The following PYROXD1 variants were observed in gnomAD, a reference collection of about 807,000 sequenced individuals.
PYROXD1 encodes tRNA ligase complex-associated NAD(P)H dehydrogenase PYROXD1.
Under a neutral mutation model 62.0 loss-of-function variants are expected in PYROXD1, and 42 were observed. The observed-to-expected ratio is 0.68, with a 90% confidence interval of 0.53 to 0.88. PYROXD1 has a LOEUF of 0.88. PYROXD1 is among the 40% of genes least tolerant of loss of function. The pLI is 0.00. For missense variants in PYROXD1, 493 were observed against 604.8 expected, an observed-to-expected ratio of 0.82 and a Z score of 1.94; for synonymous variants, 170 against 206.4, an observed-to-expected ratio of 0.82 and a Z score of 1.51.
rs757335934 is a variant in PYROXD1 at position 21,437,740 on chromosome 12, G to A, written c.10G>A (p.Ala4Thr). Residue 4 changes from alanine (A) to threonine (T), a missense_variant, in exon 1 of 12, where the codon GCG becomes ACG. Ala to Thr is a moderately conservative substitution (Grantham distance 58). Around this residue, in one of 2 missense-constraint regions of PYROXD1, gnomAD observed 164 missense variants for 158.2 expected, o/e 1.04. Coordinates refer to ENST00000240651, the MANE Select transcript of PYROXD1 (RefSeq NM_024854.5). ...CTGGGAGTCCGGCAGCATGGAGGCA[G>A]CGCGCCCTCCCCCGACGGCAGGGAA... Reference protein sequence around the residue: MEAARPPPTAGKFV... With the variant: MEATRPPPTAGKFV... The A allele has an allele frequency of 6.2e-7, 1 of 1,612,310 alleles. No homozygotes were observed. Among genetic ancestry groups the A allele is most frequent in the Admixed American group, 1.7e-5 (1 of 59,826 alleles).
At position 21,469,988 on chromosome 12, in the gene PYROXD1, T is replaced by C. The variant is rs1407026351; in HGVS notation, c.*1234T>C. 5 of 642,534 alleles carry C rather than the reference T, an allele frequency of 7.8e-6. No individual in the cohort carries two copies. Among genetic ancestry groups the C allele is most frequent in the African/African-American group, 7.6e-5 (4 of 52,430 alleles). 39.8% of individuals were successfully genotyped at this position (642,534 alleles called of 1,614,324 possible). A position where few individuals can be genotyped will look rare whatever the true frequency, so the allele number is the denominator to read the frequency against. On this transcript the variant is annotated 3_prime_UTR_variant, in exon 12 of 12. Coordinates refer to ENST00000240651, the MANE Select transcript of PYROXD1 (RefSeq NM_024854.5). ...GTTTTACATAAAAATTTTTCCCTTG[T>C]TTTATACTGGAAAATTATATAATTC...
intron 7 of PYROXD1, among the ~76,000 whole-genome samples, chr12:21,460,404 ATTTATTTATTTATTTAT>A (rs1942672489): frequency 6.7e-6 from 1 of 148,210 alleles, no homozygotes; most frequent in African/African-American, 2.5e-5. Context: ...ATTTTTATTT[ATTTATTTATTTATTTAT>A]TTTATTTATT....
In PYROXD1 at chr12:21,470,050, A is replaced by G. The variant is rs185669434; in HGVS notation, c.*1296A>G. 17 of 676,826 alleles carry G rather than the reference A, an allele frequency of 2.5e-5. 2 individuals carry two copies. The Admixed American group carries it at 5.6e-4, about 22-fold the overall frequency. 41.9% of individuals were successfully genotyped at this position (676,826 alleles called of 1,614,324 possible). A position where few individuals can be genotyped will look rare whatever the true frequency, so the allele number is the denominator to read the frequency against. On this transcript the variant is annotated 3_prime_UTR_variant, in exon 12 of 12. Coordinates refer to ENST00000240651, the MANE Select transcript of PYROXD1 (RefSeq NM_024854.5). ...TTTTCAAACATTCTCAAAAGTTTAG[A>G]TCTTCAGAGATAAGCTCTGAAAATA...
At chr12:21,438,050 G>C in intron 1 of PYROXD1, 3 of 571,764 alleles carry the variant, frequency 5.2e-6, no homozygotes, top group Non-Finnish European at 9.3e-6. Context: ...AGAAACCAAA[G>C]CTGGCTGATC....
At chr12:21,441,032 C>CT (rs1251568340) in intron 2 of PYROXD1, among the ~76,000 whole-genome samples, 6 of 151,918 alleles carry the variant, frequency 3.9e-5, no homozygotes, top group African/African-American at 1.2e-4. Context: ...GAATTGATTG[C>CT]TTTTTTTTGA....
chr12:21,443,751 A>C (rs1356725400), intron 2 of PYROXD1, among the ~76,000 whole-genome samples: 8 of 152,160 alleles, frequency 5.3e-5, no homozygotes. Flanking sequence ...TAATATCCTG[A>C]TAATGGAATA....
intron 2 of PYROXD1, among the ~76,000 whole-genome samples, chr12:21,442,024 C>T (rs909784873): frequency 6.6e-6 from 1 of 152,244 alleles, no homozygotes; most frequent in African/African-American, 2.4e-5. Context: ...CAGCATCCAA[C>T]TCTGGATGTC....
chr12:21,462,714 T>G (rs1335508037), intron 9 of PYROXD1, 26 bp from the exon 10 acceptor site: 1 of 1,611,800 alleles, frequency 6.2e-7, no homozygotes, highest in Non-Finnish European at 8.5e-7. Flanking sequence ...TCTTAACACT[T>G]AACGCTTATG....
At chr12:21,460,142 AGTAG>A in intron 7 of PYROXD1, among the ~76,000 whole-genome samples, 1 of 152,254 alleles carries the variant, frequency 6.6e-6, no homozygotes, top group East Asian at 1.9e-4. Context: ...TTTGGCTTTC[AGTAG>A]GTAGGAGGGG....
rs1171358476 is a variant in PYROXD1, at chr12:21,462,852, T to A, written c.1106T>A (p.Val369Asp). Reference protein sequence around the residue: ...ICTTSWQLSPVWQQMRLWTQA... With the variant: ...ICTTSWQLSPDWQQMRLWTQA... ...ACTACATCCTGGCAGCTGAGCCCAG[T>A]CTGGCAGCAGGTAAGCTAGCATATA... The change falls in exon 10 of 12, where the codon GTC (valine) becomes GAC (aspartate). Residue 369 changes from valine to aspartate, a missense_variant. By Grantham distance (152) the Val-to-Asp change is radical. Around this residue, in one of 2 missense-constraint regions of PYROXD1, gnomAD observed 329 missense variants for 446.6 expected, o/e 0.74. Transcript: ENST00000240651. 1.1e-5 allele frequency: 17 copies of A among 1,613,496 alleles called. No individual in the cohort carries two copies. The Admixed American group carries it at 2.7e-4, about 25-fold the overall frequency.
At position 21,468,646 on chromosome 12, in the gene PYROXD1, C is replaced by G; in HGVS notation, c.1395C>G (p.Thr465=). ...TGGGAGCTGTCTTAATTGGTGAAACCGATTTAGAAGAAACATTTGAAAACC... is the reference window on the plus strand; with the variant it reads ...TGGGAGCTGTCTTAATTGGTGAAACGGATTTAGAAGAAACATTTGAAAACC... The part of the protein sequence containing the change: ...RMMGAVLIGE[T]DLEETFENLI... The change falls in exon 12 of 12, where the codon ACC becomes ACG. Residue 465 remains threonine, a synonymous_variant. Coordinates refer to ENST00000240651, the MANE Select transcript of PYROXD1 (RefSeq NM_024854.5). 4.3e-6 allele frequency: 7 copies of G among 1,612,726 alleles called. No homozygotes were observed. Among genetic ancestry groups the G allele is most frequent in the Non-Finnish European group, 5.9e-6 (7 of 1,179,248 alleles).
Position 21,461,322 on chromosome 12 carries a change from G to A in PYROXD1, c.880+168G>A, listed in dbSNP as rs7297084. Among the ~76,000 whole-genome samples the A allele has an allele frequency of 0.51, 74,885 of 146,442 alleles. 18,517 individuals carry two copies. Among genetic ancestry groups the A allele is most frequent in the Middle Eastern group, 0.59 (173 of 292 alleles). On this transcript the variant is annotated intron_variant, in intron 8 of 11. Transcript: ENST00000240651. ...TAACATTAACTCACTTCATTTCACT[G>A]TCTGTTGTTTTCTAGTAAATTAAAT... is the stretch of plus-strand genomic sequence containing the variant.
At chr12:21,452,234 A>G (rs1182590507) in intron 5 of PYROXD1, 80 bp downstream of exon 5, 28 of 942,106 alleles carry the variant, frequency 3.0e-5, no homozygotes, top group Non-Finnish European at 4.1e-5. Flanking sequence ...TTGCTTTGTG[A>G]TTCTTGTGAT....
At chr12:21,460,568 C>T (rs11046072) in intron 7 of PYROXD1, among the ~76,000 whole-genome samples, 8,199 of 151,780 alleles carry the variant, frequency 0.054, 404 homozygotes, top group East Asian at 0.28. Context: ...GGACTACAGG[C>T]GCACACCACC....
At chr12:21,458,815 T>A (rs563231751) in intron 7 of PYROXD1, among the ~76,000 whole-genome samples, 73 of 152,306 alleles carry the variant, frequency 4.8e-4, no homozygotes, top group African/African-American at 1.6e-3. Context: ...ATTACAGTAG[T>A]ACATCAAAGA....
intron 1 of PYROXD1, 179 bp downstream of exon 1, chr12:21,437,993 T>G: frequency 1.6e-6 from 1 of 619,758 alleles, no homozygotes; most frequent in Middle Eastern, 2.9e-4. Flanking sequence ...ATGACCTCAC[T>G]AGCTTTCTCT....
At chr12:21,447,235 C>T (rs1429735310) in intron 3 of PYROXD1, among the ~76,000 whole-genome samples, 1 of 151,976 alleles carries the variant, frequency 6.6e-6, no homozygotes, top group Non-Finnish European at 1.5e-5. Context: ...AGGGATAAAA[C>T]ACATATATAC....
chr12:21,448,282 C>T (rs558429641), intron 3 of PYROXD1: 46 of 362,408 alleles, frequency 1.3e-4, no homozygotes, highest in African/African-American at 8.0e-4. Flanking sequence ...CCTAGTGAGG[C>T]GAGGACGCAG....
intron 10 of PYROXD1, among the ~76,000 whole-genome samples, chr12:21,463,677 A>G (rs1023861414): frequency 2.9e-5 from 4 of 136,126 alleles, no homozygotes; most frequent in Non-Finnish European, 6.3e-5. Context: ...GGGCAACAAG[A>G]GCAAAACTCT....
Sources: allele counts gnomAD v4.1 joint callset (sites outside exome capture counted in the v4.1 genomes callset), GRCh38; gene constraint gnomAD v4.1.1; regional missense constraint gnomAD v4.1.1; transcripts MANE v1.5; gene names NCBI Gene and HGNC (gene_info 2026-07-23, HGNC 2026-07-21).